Variants in PARD3B observed in about 807,000 individuals in gnomAD.
The protein encoded by PARD3B is partitioning defective 3 homolog B.
In PARD3B, 103 loss-of-function variants were observed where a neutral mutation model predicts 130.2. The observed-to-expected ratio is 0.79, with a 90% CI of 0.67 to 0.93. The LOEUF (loss-of-function observed/expected upper bound fraction) is 0.93. Among genes scored for constraint, PARD3B ranks in the 40% least tolerant of loss-of-function variants. The pLI, the probability that PARD3B is intolerant of heterozygous loss-of-function variation, is 0.00. For synonymous variants in PARD3B, 583 were observed against 553.2 expected, an observed-to-expected ratio of 1.05 and a Z score of -0.76; for missense variants, 1,609 against 1,499.2, an observed-to-expected ratio of 1.07 and a Z score of -1.21.
intron 1 of PARD3B, among the ~76,000 whole-genome samples, chr2:204,624,651 C>G (rs2125131867): frequency 6.6e-6 from 1 of 152,140 alleles, no homozygotes; most frequent in East Asian, 1.9e-4. Context: ...CTGCTTGTTT[C>G]CAGTTTTTGG....
intron 3 of PARD3B, among the ~76,000 whole-genome samples, chr2:205,004,869 A>G (rs1470966361): frequency 5.3e-5 from 8 of 151,980 alleles, no homozygotes; most frequent in South Asian, 2.1e-4. Flanking sequence ...CAGTCTTTCA[A>G]TCTCTCCCCC....
intron 11 of PARD3B, among the ~76,000 whole-genome samples, chr2:205,164,410 G>T (rs1264579658): frequency 6.6e-6 from 1 of 151,958 alleles, no homozygotes; most frequent in Non-Finnish European, 1.5e-5. Flanking sequence ...CAGTATAATC[G>T]TGCCTGTGAA....
intron 1 of PARD3B, among the ~76,000 whole-genome samples, chr2:204,681,764 A>G (rs187398649): frequency 6.6e-6 from 1 of 152,162 alleles, no homozygotes; most frequent in East Asian, 1.9e-4. Context: ...TCCTGGGTGC[A>G]TTGTGGGGCA....
At chr2:205,138,566 GAGA>G (rs1056322692) in intron 10 of PARD3B, among the ~76,000 whole-genome samples, 1 of 152,170 alleles carries the variant, frequency 6.6e-6, no homozygotes, top group African/African-American at 2.4e-5. Flanking sequence ...AATAAAGAGG[GAGA>G]AGAATTTTTT....
intron 2 of PARD3B, among the ~76,000 whole-genome samples, chr2:204,862,416 A>G (rs2045246781): frequency 6.6e-6 from 1 of 152,184 alleles, no homozygotes; most frequent in African/African-American, 2.4e-5. Context: ...AATTTATTAA[A>G]AGGAGGAAAA....
intron 20 of PARD3B, among the ~76,000 whole-genome samples, chr2:205,494,247 G>T (rs965252971): frequency 6.6e-6 from 1 of 152,120 alleles, no homozygotes; most frequent in Admixed American, 6.5e-5. Context: ...CTGAATCCTG[G>T]TTAGGATGCA....
At chr2:205,254,623 T>C (rs2039990528) in intron 16 of PARD3B, among the ~76,000 whole-genome samples, 1 of 152,036 alleles carries the variant, frequency 6.6e-6, no homozygotes, top group African/African-American at 2.4e-5. Flanking sequence ...TGTTCCTACA[T>C]TGAGGCTCCA....
chr2:205,228,972 T>C (rs1224381441), intron 15 of PARD3B, among the ~76,000 whole-genome samples: 1 of 152,250 alleles, frequency 6.6e-6, no homozygotes, highest in Non-Finnish European at 1.5e-5. Flanking sequence ...TTCAGTCTCC[T>C]TGTTAAATTT....
chr2:205,218,205 T>G (rs1442453396), intron 15 of PARD3B, among the ~76,000 whole-genome samples: 2 of 152,048 alleles, frequency 1.3e-5, no homozygotes, highest in East Asian at 3.9e-4. Context: ...ATTTTCTATT[T>G]TTATGTCCTA....
rs139188900 is a variant in PARD3B, at chr2:205,378,553, C to T, written c.2631-22460C>T. On this transcript the variant is annotated intron_variant, in intron 18 of 22. Transcript: ENST00000406610. ...GGTATTCTTACTCTGCCAGAGCTTACCCAGGCACAGCTTCTCAGGAGTGCA... is the reference window on the plus strand; with the variant it reads ...GGTATTCTTACTCTGCCAGAGCTTATCCAGGCACAGCTTCTCAGGAGTGCA... Among the ~76,000 whole-genome samples, 10 of 152,230 alleles carry T rather than the reference C, an allele frequency of 6.6e-5. 1 individual carries two copies. The East Asian group carries it at 1.9e-3, about 29-fold the overall frequency.
chr2:204,695,496 T>C (rs1359505880), intron 2 of PARD3B, among the ~76,000 whole-genome samples: 2 of 152,072 alleles, frequency 1.3e-5, no homozygotes, highest in Non-Finnish European at 1.5e-5. Context: ...TAGAGTGTCA[T>C]GTGGCAGAGC....
chr2:204,630,180 C>G lies in PARD3B; in HGVS notation c.121-56001C>G, dbSNP rs763833. Among the ~76,000 whole-genome samples, 1,380 of 152,230 alleles carry G rather than the reference C, an allele frequency of 9.1e-3. 25 individuals are homozygous for G. Among genetic ancestry groups the G allele is most frequent in the African/African-American group, 0.032 (1,320 of 41,536 alleles). On this transcript the variant is annotated intron_variant, in intron 1 of 22. Transcript: ENST00000406610. ...TTATATTGATAGTGTTATACTCAAT[C>G]TGATCCAAACTGGTTTTTATTACCA...
At chr2:205,168,583 T>G (rs2125738579) in intron 11 of PARD3B, among the ~76,000 whole-genome samples, 1 of 152,258 alleles carries the variant, frequency 6.6e-6, no homozygotes, top group Non-Finnish European at 1.5e-5. Flanking sequence ...GAGCTCCTCA[T>G]TGAATCAACT....
intron 13 of PARD3B, among the ~76,000 whole-genome samples, chr2:205,178,639 T>C (rs1423439962): frequency 6.6e-6 from 1 of 152,206 alleles, no homozygotes; most frequent in African/African-American, 2.4e-5. Context: ...TGTAACTTGA[T>C]TGGCATTTAA....
chr2:204,757,674 C>G (rs560886329), intron 2 of PARD3B, among the ~76,000 whole-genome samples: 11 of 152,208 alleles, frequency 7.2e-5, no homozygotes, highest in African/African-American at 2.6e-4. Flanking sequence ...AAATCTCTTG[C>G]TGATATGAAA....
At chr2:205,136,111 G>A (rs979474687) in intron 10 of PARD3B, among the ~76,000 whole-genome samples, 3 of 152,152 alleles carry the variant, frequency 2.0e-5, no homozygotes, top group African/African-American at 7.2e-5. Context: ...TAGTCTTTCC[G>A]TAATTAATCC....
chr2:205,513,568 A>C (rs2050672794), intron 21 of PARD3B, among the ~76,000 whole-genome samples: 1 of 152,112 alleles, frequency 6.6e-6, no homozygotes, highest in Non-Finnish European at 1.5e-5. Context: ...TTAATATCCT[A>C]TCATCAATTA....
At position 205,380,896 on chromosome 2, in the gene PARD3B, A is replaced by ATATATATAATATATAAATAATATAT. The variant is rs2045373389; in HGVS notation, c.2631-20100_2631-20099insTAATATATTATATATAATATATAAA. On this transcript the variant is annotated intron_variant, in intron 18 of 22. Coordinates refer to ENST00000406610, the MANE Select transcript of PARD3B (RefSeq NM_001302769.2). ...AAGAATACATTATAATATATAAAGA[A>ATATATATAATATATAAATAATATAT]TATATATAATATATAAAGAATATAT... 2.9e-4 allele frequency among the ~76,000 whole-genome samples: 4 copies of ATATATATAATATATAAATAATATAT among 14,030 alleles called. 2 individuals carry two copies. Among genetic ancestry groups the ATATATATAATATATAAATAATATAT allele is most frequent in the Non-Finnish European group, 9.7e-4 (4 of 4,116 alleles). 9.2% of individuals were successfully genotyped at this position (14,030 alleles called of 152,430 possible).
intron 22 of PARD3B, among the ~76,000 whole-genome samples, chr2:205,613,499 A>C (rs2055311049): frequency 6.6e-6 from 1 of 152,238 alleles, no homozygotes; most frequent in Admixed American, 6.5e-5. Context: ...TTCTAAAGAA[A>C]GGGAAAGGTG....
Sources: allele counts gnomAD v4.1 joint callset (sites outside exome capture counted in the v4.1 genomes callset), GRCh38; gene constraint gnomAD v4.1.1; transcripts MANE v1.5; gene names NCBI Gene and HGNC (gene_info 2026-07-23, HGNC 2026-07-21).